Variants in L3MBTL3 observed in about 807,000 individuals in gnomAD.
L3MBTL3 encodes the protein lethal(3)malignant brain tumor-like protein 3.
L3MBTL3 carries 27 observed loss-of-function variants against 102.3 expected under a neutral mutation model. That is an observed-to-expected ratio of 0.26 (90% CI 0.19 to 0.36). L3MBTL3 has a LOEUF of 0.36. L3MBTL3 is among the 10% of genes least tolerant of loss of function. The pLI, the probability that L3MBTL3 is intolerant of heterozygous loss-of-function variation, is 1.00. For synonymous variants in L3MBTL3, 340 were observed against 320.9 expected (o/e 1.06, Z -0.64); for missense variants, 798 against 955.3 (o/e 0.84, Z 2.17).
chr6:130,090,512 G>A lies in L3MBTL3; in HGVS notation c.1519-2233G>A, dbSNP rs1783975433. Among the ~76,000 whole-genome samples the A allele has an allele frequency of 2.0e-5, 3 of 152,312 alleles. No homozygotes were observed. The South Asian group carries it at 6.2e-4, about 32-fold the overall frequency. ...GAACATTTTTAACAGGCCAATAGGA[G>A]AAGAATTGTATCTTGTGATTTTAAT... is the stretch of plus-strand genomic sequence containing the variant. On this transcript the variant is annotated intron_variant, in intron 16 of 22. Transcript: ENST00000361794.
At chr6:130,058,158 A>G (rs1244112136) in intron 9 of L3MBTL3, among the ~76,000 whole-genome samples, 5 of 146,736 alleles carry the variant, frequency 3.4e-5, no homozygotes, top group African/African-American at 9.8e-5. Context: ...TCAAAAAAAA[A>G]AAAAAAAAAA....
At chr6:130,092,713 A>G (rs768430155) in intron 16 of L3MBTL3, 32 bp from the exon 17 acceptor site, 2 of 1,397,870 alleles carry the variant, frequency 1.4e-6, no homozygotes, top group East Asian at 2.3e-5. Context: ...TTATGACTTA[A>G]TTTGTACTGT....
At position 130,033,725 on chromosome 6, in the gene L3MBTL3, C is replaced by T. The variant is rs540906843; in HGVS notation, c.-15-8960C>T. ...TTTATAACTATTCTTAACTCATAAC[C>T]GTAGTATTTCTATACCTTATTTTTG... On this transcript the variant is annotated intron_variant, in intron 2 of 22. Coordinates refer to ENST00000361794, the MANE Select transcript of L3MBTL3 (RefSeq NM_032438.4). Among the ~76,000 whole-genome samples the T allele has an allele frequency of 1.4e-4, 21 of 152,234 alleles. 1 individual carries two copies. The South Asian group carries it at 2.3e-3, about 17-fold the overall frequency.
At position 130,133,288 on chromosome 6, in the gene L3MBTL3, AC is replaced by A; in HGVS notation, c.1967-162del. 1.6e-6 allele frequency: 1 copy of A among 609,880 alleles called. No individual in the cohort carries two copies. Among genetic ancestry groups the A allele is most frequent in the Non-Finnish European group, 2.8e-6 (1 of 355,052 alleles). The allele number at this position is 609,880 out of a possible 1,614,324, so 37.8% of individuals were successfully genotyped here. A position where few individuals can be genotyped will look rare whatever the true frequency, so the allele number is the denominator to read the frequency against. Reference sequence around the variant, plus strand: ...AATTTACAGGTTGTTTTTTATAGTGACCTTCAGTAAAGACAAAGAAGAGCCT... The same window carrying A: ...AATTTACAGGTTGTTTTTTATAGTGACTTCAGTAAAGACAAAGAAGAGCCT... On this transcript the variant is annotated intron_variant, in intron 20 of 22. Transcript: ENST00000361794. The surrounding 1 kb of genome is among the most constrained non-coding windows in gnomAD (Gnocchi z 4.9).
chr6:130,053,699 T>A (rs938936050), intron 7 of L3MBTL3, among the ~76,000 whole-genome samples: 4 of 151,994 alleles, frequency 2.6e-5, no homozygotes, highest in African/African-American at 9.7e-5. Flanking sequence ...TCAGGTATAT[T>A]TGGGGAAAAG....
chr6:130,057,354 C>G (rs567091952), intron 8 of L3MBTL3, 52 bp from the exon 9 acceptor site: 3 of 1,445,382 alleles, frequency 2.1e-6, no homozygotes, highest in Non-Finnish European at 2.9e-6. Context: ...AGATGCATCA[C>G]TGCTGGCTTA....
intron 18 of L3MBTL3, 53 bp from the exon 19 acceptor site, chr6:130,104,373 C>A (rs191089754): frequency 1.5e-6 from 2 of 1,304,788 alleles, no homozygotes; most frequent in East Asian, 5.1e-5. Context: ...AGAAGTATGG[C>A]CTAATGGAAA....
chr6:130,122,406 A>C (rs2114277866), intron 20 of L3MBTL3, among the ~76,000 whole-genome samples: 1 of 152,294 alleles, frequency 6.6e-6, no homozygotes, highest in South Asian at 2.1e-4. Context: ...TCAGAGTTGG[A>C]ATCTCTGCTC....
intron 16 of L3MBTL3, among the ~76,000 whole-genome samples, 193 bp from the exon 17 acceptor site, chr6:130,092,552 A>G (rs529067194): frequency 6.6e-6 from 1 of 152,324 alleles, no homozygotes; most frequent in East Asian, 1.9e-4. Context: ...TGGTTATATA[A>G]TACATTGAAG....
intron 18 of L3MBTL3, among the ~76,000 whole-genome samples, chr6:130,096,371 C>T (rs962756657): frequency 6.6e-6 from 1 of 152,172 alleles, no homozygotes; most frequent in African/African-American, 2.4e-5. Flanking sequence ...TCCCTTTCTG[C>T]TGTACAAAGT....
rs191095915 is a variant in L3MBTL3, at chr6:130,062,147, A to G, written c.864+2007A>G. Among the ~76,000 whole-genome samples the G allele has an allele frequency of 2.6e-4, 39 of 152,156 alleles. 1 individual carries two copies. The highest frequency in any genetic ancestry group is 8.2e-4 in the African/African-American group (34 of 41,522). ...TTTGCAGATTTATTTTACCTTCCCT[A>G]TTTTTTATTATAAAAGTAATGTTTG... On this transcript the variant is annotated intron_variant, in intron 10 of 22. Transcript: ENST00000361794.
intron 19 of L3MBTL3, among the ~76,000 whole-genome samples, chr6:130,106,412 T>C (rs1372976861): frequency 1.3e-5 from 2 of 152,206 alleles, no homozygotes; most frequent in African/African-American, 4.8e-5. Flanking sequence ...TTGAATTGAC[T>C]CACTTAGGAT....
intron 7 of L3MBTL3, among the ~76,000 whole-genome samples, chr6:130,054,373 A>C (rs1781325081): frequency 6.6e-6 from 1 of 152,148 alleles, no homozygotes; most frequent in Admixed American, 6.6e-5. Context: ...AGACAAGGGA[A>C]TGCTTTGATA....
intron 10 of L3MBTL3, among the ~76,000 whole-genome samples, chr6:130,060,438 A>T (rs1781813765): frequency 6.6e-6 from 1 of 152,130 alleles, no homozygotes; most frequent in Non-Finnish European, 1.5e-5. Flanking sequence ...AGCCCTTGCC[A>T]TAAGGAATAG....
At chr6:130,060,003 A>T (rs756020980) in intron 9 of L3MBTL3, 33 bp from the exon 10 acceptor site, 74 of 1,212,120 alleles carry the variant, frequency 6.1e-5, no homozygotes, top group Non-Finnish European at 8.2e-5. Flanking sequence ...CTTTGGGATA[A>T]GGGACTAAAA....
At chr6:130,056,189 A>C (rs2114845039) in intron 8 of L3MBTL3, among the ~76,000 whole-genome samples, 1 of 152,110 alleles carries the variant, frequency 6.6e-6, no homozygotes, top group Admixed American at 6.5e-5. Flanking sequence ...CTACCTCCCA[A>C]AGTGCTGGGA....
At chr6:130,126,069 C>T (rs565064264) in intron 20 of L3MBTL3, among the ~76,000 whole-genome samples, 1 of 151,800 alleles carries the variant, frequency 6.6e-6, no homozygotes, top group East Asian at 1.9e-4. Flanking sequence ...CAATACTTCC[C>T]TCCCTCGCTC....
At chr6:130,083,882 G>A (rs1188048667) in intron 15 of L3MBTL3, among the ~76,000 whole-genome samples, 177 bp downstream of exon 15, 5 of 152,056 alleles carry the variant, frequency 3.3e-5, no homozygotes, top group African/African-American at 1.2e-4. Flanking sequence ...TGGAATTTTT[G>A]TTGTTGTCAT....
At chr6:130,053,835 T>C (rs193101471) in intron 7 of L3MBTL3, among the ~76,000 whole-genome samples, 4 of 152,284 alleles carry the variant, frequency 2.6e-5, no homozygotes, top group African/African-American at 9.6e-5. Flanking sequence ...TGTACAACTG[T>C]TACTTGGGAG....
Sources: allele counts gnomAD v4.1 joint callset (sites outside exome capture counted in the v4.1 genomes callset), GRCh38; gene constraint gnomAD v4.1.1; non-coding constraint Gnocchi (gnomAD v3.1); transcripts MANE v1.5; gene names NCBI Gene and HGNC (gene_info 2026-07-23, HGNC 2026-07-21).